PDE10A: variants seen among roughly 807,000 people sequenced by gnomAD.
The protein encoded by PDE10A is phosphodiesterase 10A.
In PDE10A, 39 loss-of-function variants were observed where a neutral mutation model predicts 97.7. That is an observed-to-expected ratio of 0.40 (90% CI 0.31 to 0.52). The LOEUF is 0.52. Ranked by LOEUF, PDE10A falls within the 20% of genes least tolerant of loss-of-function variation. The probability of loss-of-function intolerance (pLI) is 0.56; values close to 1 mark genes in which losing one functional copy is unlikely to be tolerated. For missense variants in PDE10A, 731 were observed against 1,047.8 expected (o/e 0.70, Z 4.17); for synonymous variants, 371 against 376.8 (o/e 0.98, Z 0.18).
chr6:165,420,206 T>C (rs1217340908), intron 10 of PDE10A, among the ~76,000 whole-genome samples: 2 of 152,224 alleles, frequency 1.3e-5, no homozygotes, highest in African/African-American at 4.8e-5. Flanking sequence ...TGCTTGTTAA[T>C]GTAAATAACA....
intron 1 of PDE10A, among the ~76,000 whole-genome samples, chr6:165,686,340 C>G (rs1345236297): frequency 6.6e-6 from 1 of 152,146 alleles, no homozygotes; most frequent in African/African-American, 2.4e-5. Flanking sequence ...TTGGATTTCC[C>G]TGTGCATCGG....
chr6:165,465,297 G>A (rs1201787723), intron 3 of PDE10A, among the ~76,000 whole-genome samples: 1 of 152,190 alleles, frequency 6.6e-6, no homozygotes, highest in Admixed American at 6.5e-5. Context: ...TAACACAGAG[G>A]AGGCCACTGA....
intron 1 of PDE10A, among the ~76,000 whole-genome samples, chr6:165,691,354 C>A (rs1027883555): frequency 2.0e-5 from 3 of 151,796 alleles, no homozygotes; most frequent in Non-Finnish European, 4.4e-5. Flanking sequence ...ATTTCCATAT[C>A]CTAGTTGCCT....
At chr6:165,650,282 T>C (rs1789613553) in intron 1 of PDE10A, among the ~76,000 whole-genome samples, 1 of 152,184 alleles carries the variant, frequency 6.6e-6, no homozygotes, top group South Asian at 2.1e-4. Context: ...AGATAAGTTA[T>C]ATTATTCAAA....
chr6:165,354,125 A>G (rs1343570746), intron 18 of PDE10A, among the ~76,000 whole-genome samples: 2 of 152,236 alleles, frequency 1.3e-5, no homozygotes, highest in Non-Finnish European at 2.9e-5. Flanking sequence ...ATCAGAAATA[A>G]CAGCTAAGTT....
chr6:165,391,306 A>C (rs972591626), intron 16 of PDE10A, among the ~76,000 whole-genome samples: 128 of 152,236 alleles, frequency 8.4e-4, no homozygotes, highest in African/African-American at 2.9e-3. Flanking sequence ...TAATGATATA[A>C]TTCCAAAAAT....
chr6:165,341,149 T>C (rs1423362255), intron 19 of PDE10A, among the ~76,000 whole-genome samples: 1 of 152,192 alleles, frequency 6.6e-6, no homozygotes, highest in Non-Finnish European at 1.5e-5. Flanking sequence ...CAGGACTTTA[T>C]AGATACTGGG....
In PDE10A at chr6:165,331,186, A is replaced by C. The variant is rs1240320257; in HGVS notation, c.*1839T>G. On this transcript the variant is annotated 3_prime_UTR_variant, in exon 22 of 22. Coordinates refer to ENST00000539869, the MANE Select transcript of PDE10A (RefSeq NM_001385079.1). ...ATGAGTGTGTATCCTATATACATCT[A>C]TGTGTGTGTTCTACATATATTACAT... 1 of 152,074 alleles carries C rather than the reference A, an allele frequency of 6.6e-6. No homozygotes were observed. The highest frequency in any genetic ancestry group is 2.4e-5 in the African/African-American group (1 of 41,424). 9.4% of individuals were successfully genotyped at this position (152,074 alleles called of 1,614,324 possible). A position where few individuals can be genotyped will look rare whatever the true frequency, so the allele number is the denominator to read the frequency against.
In PDE10A at chr6:165,470,123, G is replaced by A. The variant is rs556182365; in HGVS notation, c.1023+12192C>T. ...TTATTTGGCTCACGGATCTGCTGGT[G>A]AGGGCTTCAGGCTGCTTCCACTCCT... On this transcript the variant is annotated intron_variant, in intron 3 of 21. Transcript: ENST00000539869. 7.9e-5 allele frequency among the ~76,000 whole-genome samples: 12 copies of A among 152,288 alleles called. No individual in the cohort carries two copies. The South Asian group carries it at 1.9e-3, about 24-fold the overall frequency.
intron 1 of PDE10A, among the ~76,000 whole-genome samples, chr6:165,832,859 G>A (rs907301488): frequency 6.6e-6 from 1 of 152,128 alleles, no homozygotes; most frequent in Admixed American, 6.5e-5. Context: ...CACATATTCC[G>A]GGTTAACTCC....
intron 1 of PDE10A, among the ~76,000 whole-genome samples, chr6:165,626,388 T>A (rs1261788598): frequency 2.6e-5 from 4 of 152,206 alleles, no homozygotes; most frequent in Admixed American, 2.6e-4. Flanking sequence ...AGATTATTGA[T>A]GTTAACTCTA....
At chr6:165,823,482 T>TTC (rs1554327856) in intron 1 of PDE10A, among the ~76,000 whole-genome samples, 1 of 37,504 alleles carries the variant, frequency 2.7e-5, no homozygotes, top group Non-Finnish European at 5.5e-5. Context: ...ATAGTTAACT[T>TTC]TATATATATA....
rs1361812932 is a variant in PDE10A at position 165,624,202 on chromosome 6, G to A, written c.865+37745C>T. Among the ~76,000 whole-genome samples, 4 of 152,166 alleles carry A rather than the reference G, an allele frequency of 2.6e-5. No individual in the cohort carries two copies. In the South Asian group the frequency reaches 6.2e-4, roughly 24 times the overall value. ...CTGTCCCTCCTCTGGCCCAGGCCTC[G>A]TGGCCTCAGGCTGGCTCTCCTGGGC... On this transcript the variant is annotated intron_variant, in intron 1 of 21. Transcript: ENST00000539869.
chr6:165,971,143 A>C (rs1784659267), intron 1 of PDE10A, among the ~76,000 whole-genome samples: 1 of 152,082 alleles, frequency 6.6e-6, no homozygotes, highest in Admixed American at 6.6e-5. Flanking sequence ...GGGAGACAAA[A>C]AAAAAAAGGA....
intron 13 of PDE10A, among the ~76,000 whole-genome samples, chr6:165,401,890 A>C (rs1282733020): frequency 2.0e-5 from 3 of 152,198 alleles, no homozygotes; most frequent in Non-Finnish European, 4.4e-5. Context: ...ACCTTAATGG[A>C]ATGTCACTTG....
At chr6:165,725,472 C>T (rs889308428) in intron 1 of PDE10A, among the ~76,000 whole-genome samples, 9 of 152,170 alleles carry the variant, frequency 5.9e-5, no homozygotes, top group Non-Finnish European at 8.8e-5. Flanking sequence ...AGTGGGGCAC[C>T]CTAGAAGCAA....
At position 165,771,884 on chromosome 6, in the gene PDE10A, G is replaced by C. The variant is rs143365881; in HGVS notation, c.-615+215645C>G. On this transcript the variant is annotated intron_variant, in intron 1 of 19. Transcript: ENST00000366882. ...CCTGGCCTACGCGGTGTGATGCAGA[G>C]CTGGCTGCATGAGGGGAAGACAGGC... Among the ~76,000 whole-genome samples the C allele has an allele frequency of 3.3e-3, 497 of 152,274 alleles. 5 individuals are homozygous for C. Among genetic ancestry groups the C allele is most frequent in the African/African-American group, 0.011 (476 of 41,562 alleles).
intron 4 of PDE10A, 116 bp downstream of exon 4, chr6:165,450,126 A>C (rs1035525882): frequency 1.5e-6 from 1 of 679,762 alleles, no homozygotes; most frequent in Admixed American, 2.6e-5. Flanking sequence ...AATTTAGTCC[A>C]GAAATAGAAG....
At chr6:165,455,580 G>C (rs1471981035) in intron 3 of PDE10A, among the ~76,000 whole-genome samples, 1 of 152,198 alleles carries the variant, frequency 6.6e-6, no homozygotes, top group Non-Finnish European at 1.5e-5. Context: ...ACTACTAACT[G>C]CTACTATTAG....
Sources: allele counts gnomAD v4.1 joint callset (sites outside exome capture counted in the v4.1 genomes callset), GRCh38; gene constraint gnomAD v4.1.1; transcripts MANE v1.5; gene names NCBI Gene and HGNC (gene_info 2026-07-23, HGNC 2026-07-21).